Variants in EPC1 observed in about 807,000 individuals in gnomAD.
The protein encoded by EPC1 is enhancer of polycomb homolog 1.
A neutral mutation model predicts 98.4 loss-of-function variants in EPC1; 12 were observed. The ratio of observed to expected loss-of-function variants is 0.12; its 90% CI spans 0.08 to 0.20. The LOEUF is 0.20. EPC1 is among the 10% of genes least tolerant of loss of function. The pLI is 1.00. For missense variants in EPC1, 729 were observed against 990.5 expected (o/e 0.74, Z 3.54); for synonymous variants, 357 against 363.9 (o/e 0.98, Z 0.21).
intron 1 of EPC1, among the ~76,000 whole-genome samples, chr10:32,343,531 A>C (rs1366826952): frequency 6.6e-6 from 1 of 152,210 alleles, no homozygotes; most frequent in Non-Finnish European, 1.5e-5. Context: ...TTTCAGACTT[A>C]GCAAATTTCG....
intron 10 of EPC1, among the ~76,000 whole-genome samples, chr10:32,278,062 T>C (rs1041675168): frequency 6.6e-6 from 1 of 152,142 alleles, no homozygotes; most frequent in African/African-American, 2.4e-5. Context: ...CCGTGAAAGA[T>C]GGAGTTTAGA....
chr10:32,308,465 C>T (rs1836004273), intron 1 of EPC1, among the ~76,000 whole-genome samples: 2 of 152,110 alleles, frequency 1.3e-5, no homozygotes, highest in South Asian at 4.1e-4. Flanking sequence ...CACATCCTCC[C>T]ACCTCAAGAT....
At chr10:32,348,222 C>T (rs1282221917), upstream of EPC1, among the ~76,000 whole-genome samples, 3 of 152,142 alleles carry the variant, frequency 2.0e-5, no homozygotes, top group Non-Finnish European at 4.4e-5. Flanking sequence ...TGGGTGGCAT[C>T]GGTTTATATT....
intron 10 of EPC1, chr10:32,283,346 T>C (rs1836507596): frequency 6.6e-6 from 1 of 152,188 alleles, no homozygotes; most frequent in African/African-American, 2.4e-5. Flanking sequence ...AAACAGGGTT[T>C]TGCTTTGCTG....
At chr10:32,296,470 C>T (rs1835165455) in intron 2 of EPC1, among the ~76,000 whole-genome samples, 1 of 152,122 alleles carries the variant, frequency 6.6e-6, no homozygotes, top group Admixed American at 6.5e-5. Flanking sequence ...ATATCAGGGG[C>T]TGCATCAAGA....
At chr10:32,346,624 A>C in intron 1 of EPC1, 139 bp downstream of exon 1, 7 of 844,356 alleles carry the variant, frequency 8.3e-6, no homozygotes, top group African/African-American at 1.7e-5. Context: ...GAGGCGGGGT[A>C]TAGGCCCGGC....
chr10:32,310,271 C>T (rs1836130484), intron 1 of EPC1, among the ~76,000 whole-genome samples: 1 of 152,156 alleles, frequency 6.6e-6, no homozygotes, highest in African/African-American at 2.4e-5. Flanking sequence ...CCACAGTTTA[C>T]TAACTCTATG....
In EPC1 at chr10:32,347,024, G is replaced by A; in HGVS notation, c.-109C>T. ...TCGCCAACCGCTGCCGGGGACTTGA[G>A]GGGCGGAGCGCAGAGCCCGCCGTCC... is the stretch of plus-strand genomic sequence containing the variant. On this transcript the variant is annotated 5_prime_UTR_variant, in exon 1 of 14. Coordinates refer to ENST00000319778, the MANE Select transcript of EPC1 (RefSeq NM_001272004.3). 2 of 1,505,090 alleles carry A rather than the reference G, an allele frequency of 1.3e-6. No individual in the cohort carries two copies. The highest frequency in any genetic ancestry group is 1.3e-5 in the South Asian group (1 of 77,890). 93.2% of individuals were successfully genotyped at this position (1,505,090 alleles called of 1,614,324 possible).
intron 2 of EPC1, among the ~76,000 whole-genome samples, chr10:32,300,342 C>T (rs958223998): frequency 2.6e-5 from 4 of 151,468 alleles, no homozygotes; most frequent in East Asian, 1.9e-4. Context: ...TGTGCTGCAC[C>T]CATTAACTCG....
intron 1 of EPC1, among the ~76,000 whole-genome samples, chr10:32,353,190 T>C (rs1191475736): frequency 2.0e-5 from 3 of 149,208 alleles, no homozygotes; most frequent in Non-Finnish European, 4.4e-5. Flanking sequence ...AAGAAATCCC[T>C]GGTATCTGAT....
intron 1 of EPC1, among the ~76,000 whole-genome samples, chr10:32,361,951 A>T (rs1201155605): frequency 6.6e-6 from 1 of 152,214 alleles, no homozygotes; most frequent in Non-Finnish European, 1.5e-5. Context: ...TAGTGATGAG[A>T]GTGACCTCTG....
intron 2 of EPC1, among the ~76,000 whole-genome samples, chr10:32,302,163 C>T (rs1835588635): frequency 6.6e-6 from 1 of 151,914 alleles, no homozygotes; most frequent in East Asian, 1.9e-4. Context: ...GTCCCAGCTA[C>T]TCGGGAGGCT....
intron 1 of EPC1, among the ~76,000 whole-genome samples, chr10:32,334,853 C>T (rs528833605): frequency 6.6e-6 from 1 of 152,290 alleles, no homozygotes; most frequent in African/African-American, 2.4e-5. Context: ...AGCACCCCCA[C>T]AAATTTCCAG....
At chr10:32,356,786 C>T (rs1839292325) in intron 1 of EPC1, among the ~76,000 whole-genome samples, 1 of 152,058 alleles carries the variant, frequency 6.6e-6, no homozygotes, top group Admixed American at 6.5e-5. Context: ...AGATCGAGAC[C>T]ATCCTGCCTA....
chr10:32,287,868 G>T (rs923410510), intron 6 of EPC1, among the ~76,000 whole-genome samples: 2 of 152,184 alleles, frequency 1.3e-5, no homozygotes, highest in Non-Finnish European at 2.9e-5. Flanking sequence ...ATAAAGATAT[G>T]AAATCATTAA....
At position 32,344,177 on chromosome 10, in the gene EPC1, T is replaced by C. The variant is rs1838584566; in HGVS notation, c.153+2586A>G. Among the ~76,000 whole-genome samples, 3 of 152,360 alleles carry C rather than the reference T, an allele frequency of 2.0e-5. No individual in the cohort carries two copies. The South Asian group carries it at 6.2e-4, about 32-fold the overall frequency. On this transcript the variant is annotated intron_variant, in intron 1 of 13. Transcript: ENST00000319778. ...AGAATCCAGAATTCAATTACCTTTA[T>C]GTTTAATATACCTTTTCAACACTGC...
intron 1 of EPC1, among the ~76,000 whole-genome samples, chr10:32,311,177 G>T (rs1185561399): frequency 2.0e-5 from 3 of 152,070 alleles, no homozygotes; most frequent in African/African-American, 7.2e-5. Flanking sequence ...GCCGGGTGTG[G>T]TGGTGGGCGC....
At chr10:32,273,646 C>T (rs1835944688) in intron 10 of EPC1, among the ~76,000 whole-genome samples, 1 of 152,056 alleles carries the variant, frequency 6.6e-6, no homozygotes. Context: ...CAGCTTTGCA[C>T]TGAGCTTGAG....
chr10:32,305,796 G>C lies in EPC1; in HGVS notation c.289C>G (p.Pro97Ala). The change falls in exon 2 of 14, where the codon CCA becomes GCA. Residue 97 changes from proline to alanine, a missense_variant. Physicochemically the swap from Pro to Ala is conservative, Grantham distance 27. Transcript: ENST00000319778. ...ESIYPGEFKM[P>A]KQLIHIQPFS... is the part of the protein sequence containing the mutation. ...CGCTGTATGTGAATGAGCTGCTTTG[G>C]CATCTTAAATTCCCCAGGATATATA... The C allele has an allele frequency of 6.2e-7, 1 of 1,603,410 alleles. No homozygotes were observed. The highest frequency in any genetic ancestry group is 1.1e-5 in the South Asian group (1 of 88,762).
Sources: gnomAD v4.1 joint callset for allele counts (sites outside exome capture counted in the v4.1 genomes callset) on GRCh38, gnomAD v4.1.1 for gene constraint, MANE v1.5 for transcripts, NCBI Gene and HGNC (gene_info 2026-07-23, HGNC 2026-07-21) for gene names.